Variants in PXN observed in about 807,000 individuals in gnomAD.
The protein encoded by PXN is testicular tissue protein Li 134.
PXN carries 61 observed loss-of-function variants against 103.6 expected under a neutral mutation model. That is an observed-to-expected ratio of 0.59 (90% CI 0.48 to 0.73). The LOEUF (loss-of-function observed/expected upper bound fraction) is 0.73, where lower values mean the gene tolerates loss of function less well. PXN is among the 30% of genes least tolerant of loss of function. The pLI is 0.00. For synonymous variants in PXN, 562 were observed against 607.8 expected, an observed-to-expected ratio of 0.92 and a Z score of 1.11; for missense variants, 1,274 against 1,460.3, an observed-to-expected ratio of 0.87 and a Z score of 2.08.
In PXN at chr12:120,224,014, T is replaced by C; in HGVS notation, c.240+137A>G. On this transcript the variant is annotated intron_variant, in intron 2 of 14. Coordinates refer to ENST00000637617, the MANE Select transcript of PXN (RefSeq NM_001385981.1). The surrounding 1 kb of genome is among the most constrained non-coding windows in gnomAD (Gnocchi z 5.0). Reference sequence around the variant, plus strand: ...GTCACTGTTCCACTCACGTGGTGAGTGGGAAGAGCAGTGTCTGGTTGGGAA... The same window carrying C: ...GTCACTGTTCCACTCACGTGGTGAGCGGGAAGAGCAGTGTCTGGTTGGGAA... 1 of 811,550 alleles carries C rather than the reference T, an allele frequency of 1.2e-6. No homozygotes were observed. Among genetic ancestry groups the C allele is most frequent in the Non-Finnish European group, 1.9e-6 (1 of 519,060 alleles). 50.3% of individuals were successfully genotyped at this position (811,550 alleles called of 1,614,324 possible). A position where few individuals can be genotyped will look rare whatever the true frequency, so the allele number is the denominator to read the frequency against.
rs554328884 is a variant in PXN, at chr12:120,263,167, T to TCCACCCTAAGGAAAACAGCTGAG, written c.13+2427_13+2449dup. Among the ~76,000 whole-genome samples the TCCACCCTAAGGAAAACAGCTGAG allele has an allele frequency of 2.2e-3, 337 of 152,130 alleles. 2 individuals carry two copies. The highest frequency in any genetic ancestry group is 7.8e-3 in the African/African-American group (322 of 41,452). On this transcript the variant is annotated intron_variant, in intron 1 of 14. Transcript: ENST00000637617. ...AAAAACAAGAGGTCTGGGCTTTGTG[T>TCCACCCTAAGGAAAACAGCTGAG]CCACCCTAAGGAAAACAGCTGAGCC...
In PXN at chr12:120,215,849, G is replaced by A. The variant is rs538754610; in HGVS notation, c.2302-188C>T. Reference sequence around the variant, plus strand: ...CTGAGAGAGAGGCCTAGGGAGAAAGGAAGAAGGACAGGGAGGGGAGTCGAC... The same window carrying A: ...CTGAGAGAGAGGCCTAGGGAGAAAGAAAGAAGGACAGGGAGGGGAGTCGAC... On this transcript the variant is annotated intron_variant, in intron 9 of 14. Coordinates refer to ENST00000637617, the MANE Select transcript of PXN (RefSeq NM_001385981.1). The surrounding 1 kb of genome is among the most constrained non-coding windows in gnomAD (Gnocchi z 4.9). 4 of 1,312,758 alleles carry A rather than the reference G, an allele frequency of 3.0e-6. No homozygotes were observed. Among genetic ancestry groups the A allele is most frequent in the African/African-American group, 3.0e-5 (2 of 66,016 alleles). 81.3% of individuals were successfully genotyped at this position (1,312,758 alleles called of 1,614,324 possible). A position where few individuals can be genotyped will look rare whatever the true frequency, so the allele number is the denominator to read the frequency against.
Position 120,265,676 on chromosome 12 carries a change from C to A in PXN, c.-47G>T. Reference sequence around the variant, plus strand: ...TCAGGGTCGCGCTAGCTGCCCGTCCCGGGGCCGCTCGTCTATGCCCCGCAA... The same window carrying A: ...TCAGGGTCGCGCTAGCTGCCCGTCCAGGGGCCGCTCGTCTATGCCCCGCAA... On this transcript the variant is annotated 5_prime_UTR_variant, in exon 1 of 15. Coordinates refer to ENST00000637617, the MANE Select transcript of PXN (RefSeq NM_001385981.1). This position sits in a 1 kb window ranked among gnomAD's most constrained non-coding sequence, Gnocchi z 5.7. The A allele has an allele frequency of 7.0e-7, 1 of 1,433,484 alleles. No homozygotes were observed. The highest frequency in any genetic ancestry group is 9.1e-7 in the Non-Finnish European group (1 of 1,094,926). 88.8% of individuals were successfully genotyped at this position (1,433,484 alleles called of 1,614,324 possible). A position where few individuals can be genotyped will look rare whatever the true frequency, so the allele number is the denominator to read the frequency against.
In PXN at chr12:120,265,692, TG is replaced by T. The variant is rs1894605450; in HGVS notation, c.-64del. 1.5e-6 allele frequency: 2 copies of T among 1,352,462 alleles called. No individual in the cohort carries two copies. The highest frequency in any genetic ancestry group is 6.5e-5 in the East Asian group (2 of 30,962). 83.8% of individuals were successfully genotyped at this position (1,352,462 alleles called of 1,614,324 possible). ...TGCCCGTCCCGGGGCCGCTCGTCTA[TG>T]CCCCGCAACTTTTCCGCCGCGAGCC... On this transcript the variant is annotated 5_prime_UTR_variant, in exon 1 of 15. Coordinates refer to ENST00000637617, the MANE Select transcript of PXN (RefSeq NM_001385981.1). This position sits in a 1 kb window ranked among gnomAD's most constrained non-coding sequence, Gnocchi z 5.7.
Position 120,265,615 on chromosome 12 carries a change from A to T in PXN, c.13+2T>A. 6.7e-7 allele frequency: 1 copy of T among 1,485,184 alleles called. No homozygotes were observed. Among genetic ancestry groups the T allele is most frequent in the African/African-American group, 1.5e-5 (1 of 68,256 alleles). The allele number at this position is 1,485,184 out of a possible 1,614,324, so 92.0% of individuals were successfully genotyped here. A position where few individuals can be genotyped will look rare whatever the true frequency, so the allele number is the denominator to read the frequency against. On this transcript the variant is annotated splice_donor_variant, in intron 1 of 14. Transcript: ENST00000637617. LOFTEE classifies it high-confidence loss of function. The surrounding 1 kb of genome is among the most constrained non-coding windows in gnomAD (Gnocchi z 5.7). ...TCCTCCCTCGGCCTCCCGCTCACTC[A>T]CCGAGGTCGTCCATGGCCGGACCAC...
Position 120,219,911 on chromosome 12 carries a change from G to A in PXN, c.1012C>T (p.Arg338Ter), listed in dbSNP as rs774949682. ...PEFPCTEQSG[R>*]GLLPPVAPSW... ...GGGGCTACAGGAGGTAGAAGGCCTC[G>A]TCCACTCTGCTCAGTACAAGGGAAC... The change falls in exon 7 of 15, where the codon CGA (arginine) becomes TGA (stop). Residue 338 changes from arginine (R) to a stop codon, truncating the protein, a stop_gained. Coordinates refer to ENST00000637617, the MANE Select transcript of PXN (RefSeq NM_001385981.1). LOFTEE classifies it high-confidence loss of function. The surrounding 1 kb of genome is among the most constrained non-coding windows in gnomAD (Gnocchi z 6.5). 2.9e-5 allele frequency: 47 copies of A among 1,598,036 alleles called. No individual in the cohort carries two copies. The highest frequency in any genetic ancestry group is 3.6e-5 in the Non-Finnish European group (43 of 1,179,548).
At position 120,265,619 on chromosome 12, in the gene PXN, A is replaced by G; in HGVS notation, c.11T>C (p.Leu4Pro). The change falls in exon 1 of 15, where the codon CTC becomes CCC. Residue 4 changes from leucine (L) to proline (P), a missense_variant and splice_region_variant. Leu to Pro is a moderately conservative substitution (Grantham distance 98). Around this residue, in one of 2 missense-constraint regions of PXN, gnomAD observed 1,178 missense variants for 1,309.0 expected, o/e 0.90. Transcript: ENST00000637617. The surrounding 1 kb of genome is among the most constrained non-coding windows in gnomAD (Gnocchi z 5.7). ...CCCTCGGCCTCCCGCTCACTCACCG[A>G]GGTCGTCCATGGCCGGACCACGGGC... MDDLDALLADLEST... is the reference protein window; with the variant it reads MDDPDALLADLEST... 6.7e-7 allele frequency: 1 copy of G among 1,485,532 alleles called. No individual in the cohort carries two copies. The highest frequency in any genetic ancestry group is 1.5e-5 in the African/African-American group (1 of 68,376). 92.0% of individuals were successfully genotyped at this position (1,485,532 alleles called of 1,614,324 possible).
rs1024908757 is a variant in PXN, at chr12:120,225,072, G to A, written c.14-695C>T. On this transcript the variant is annotated intron_variant, in intron 1 of 14. Transcript: ENST00000637617. The surrounding 1 kb of genome is among the most constrained non-coding windows in gnomAD (Gnocchi z 4.4). ...AAGCAGCCCGGCCCCAGAGGCTCCA[G>A]GCCCCCACTGTTCTGCTTTTAACAG... The A allele has an allele frequency of 7.8e-6, 2 of 257,158 alleles. No homozygotes were observed. Among genetic ancestry groups the A allele is most frequent in the Non-Finnish European group, 8.0e-6 (1 of 125,774 alleles). The allele number at this position is 257,158 out of a possible 1,614,324, so 15.9% of individuals were successfully genotyped here.
In PXN at chr12:120,214,165, G is replaced by A; in HGVS notation, c.2801C>T (p.Ala934Val). 1 of 1,552,402 alleles carries A rather than the reference G, an allele frequency of 6.4e-7. No individual in the cohort carries two copies. ...GGGACCAAAGAAGGCTCCACACTGT[G>A]CACAGAAGAAGTGTTCAGGGTGCCA... ...RTWHPEHFFC[A>V]QCGAFFGPEG... The change falls in exon 13 of 15, where the codon GCA (alanine) becomes GTA (valine). Residue 934 changes from alanine to valine, a missense_variant. Ala to Val is a moderately conservative substitution (Grantham distance 64, BLOSUM62 0). Transcript: ENST00000637617. The surrounding 1 kb of genome is among the most constrained non-coding windows in gnomAD (Gnocchi z 5.0).
chr12:120,215,442 G>A lies in PXN; in HGVS notation c.2403+118C>T. The A allele has an allele frequency of 6.8e-7, 1 of 1,460,360 alleles. No individual in the cohort carries two copies. The highest frequency in any genetic ancestry group is 9.0e-7 in the Non-Finnish European group (1 of 1,109,258). The allele number at this position is 1,460,360 out of a possible 1,614,324, so 90.5% of individuals were successfully genotyped here. A position where few individuals can be genotyped will look rare whatever the true frequency, so the allele number is the denominator to read the frequency against. ...CCTAAAGTGGGAGTGACGTCAGCAG[G>A]ACTCCTGGTGGTCGGAGGGGCCCAC... is the stretch of plus-strand genomic sequence containing the variant. On this transcript the variant is annotated intron_variant, in intron 10 of 14. Coordinates refer to ENST00000637617, the MANE Select transcript of PXN (RefSeq NM_001385981.1). This position sits in a 1 kb window ranked among gnomAD's most constrained non-coding sequence, Gnocchi z 4.9.
chr12:120,242,426 G>A (rs1159718460), intron 1 of PXN, among the ~76,000 whole-genome samples: 1 of 151,888 alleles, frequency 6.6e-6, no homozygotes, highest in African/African-American at 2.4e-5. Flanking sequence ...GCCTAAGCAG[G>A]TTATCAGAGG....
At chr12:120,237,121 A>G (rs1343315801) in intron 1 of PXN, among the ~76,000 whole-genome samples, 1 of 145,450 alleles carries the variant, frequency 6.9e-6, no homozygotes, top group Non-Finnish European at 1.5e-5. Context: ...TTGCTTATGT[A>G]TGTACGTGTG....
In PXN at chr12:120,211,821, G is replaced by A. The variant is rs1201670475; in HGVS notation, c.*493C>T. The A allele has an allele frequency of 2.2e-6, 1 of 448,364 alleles. No individual in the cohort carries two copies. The highest frequency in any genetic ancestry group is 2.4e-5 in the Admixed American group (1 of 41,922). 27.8% of individuals were successfully genotyped at this position (448,364 alleles called of 1,614,324 possible). On this transcript the variant is annotated 3_prime_UTR_variant, in exon 15 of 15. Transcript: ENST00000637617. ...TGGCCCCTTTGGTTCTCTGCCTTTG[G>A]ATGGATGGATTTATGCTGGCATTGT... is the stretch of plus-strand genomic sequence containing the variant.
chr12:120,230,049 G>GT (rs1206998206), intron 1 of PXN, among the ~76,000 whole-genome samples: 3 of 152,290 alleles, frequency 2.0e-5, no homozygotes, highest in Admixed American at 2.0e-4. Context: ...AGAGGCCCAC[G>GT]TAAGAACAAG....
rs780755412 is a variant in PXN, at chr12:120,222,487, C to G, written c.695+62G>C. 11 of 1,499,458 alleles carry G rather than the reference C, an allele frequency of 7.3e-6. No homozygotes were observed. Among genetic ancestry groups the G allele is most frequent in the Non-Finnish European group, 9.9e-6 (11 of 1,115,010 alleles). The allele number at this position is 1,499,458 out of a possible 1,614,324, so 92.9% of individuals were successfully genotyped here. A position where few individuals can be genotyped will look rare whatever the true frequency, so the allele number is the denominator to read the frequency against. ...GATACCAGGGCTAAGGGGACAGACA[C>G]TGGACCCGGGGCAGGCTGGGCCAGC... On this transcript the variant is annotated intron_variant, in intron 5 of 14. Coordinates refer to ENST00000637617, the MANE Select transcript of PXN (RefSeq NM_001385981.1). The surrounding 1 kb of genome is among the most constrained non-coding windows in gnomAD (Gnocchi z 4.7).
intron 1 of PXN, among the ~76,000 whole-genome samples, chr12:120,258,963 G>A (rs1893444366): frequency 6.6e-6 from 1 of 152,088 alleles, no homozygotes; most frequent in Admixed American, 6.6e-5. Flanking sequence ...CAGCTACTCG[G>A]GAGACTGAGG....
rs1414358772 is a variant in PXN, at chr12:120,221,392, C to T, written c.831+231G>A. Among the ~76,000 whole-genome samples the T allele has an allele frequency of 1.3e-5, 2 of 152,180 alleles. No homozygotes were observed. The highest frequency in any genetic ancestry group is 2.9e-5 in the Non-Finnish European group (2 of 68,032). On this transcript the variant is annotated intron_variant, in intron 6 of 14. Coordinates refer to ENST00000637617, the MANE Select transcript of PXN (RefSeq NM_001385981.1). The surrounding 1 kb of genome is among the most constrained non-coding windows in gnomAD (Gnocchi z 6.6). The stretch of plus-strand genomic sequence containing the variant: ...GAAGGAATGTCCCAGCTGAGCACTT[C>T]TCCAGCTTGTCTGCCTTCACTGGCT...
Position 120,223,757 on chromosome 12 carries a change from G to A in PXN, c.317C>T (p.Ser106Phe), listed in dbSNP as rs748170883. ...CTCCTCACCCACTCGGGAGCACGGA[G>A]AGCCAACACTGTCCTGAGGGTTGGA... is the stretch of plus-strand genomic sequence containing the variant. ...SVSNPQDSVG[S>F]PCSRVGEEEH... is the part of the protein sequence containing the mutation. Residue 106 changes from serine to phenylalanine, a missense_variant, in exon 3 of 15, where the codon TCT becomes TTT. Around this residue, in one of 2 missense-constraint regions of PXN, gnomAD observed 1,178 missense variants for 1,309.0 expected, o/e 0.90. Coordinates refer to ENST00000637617, the MANE Select transcript of PXN (RefSeq NM_001385981.1). 1 of 1,608,374 alleles carries A rather than the reference G, an allele frequency of 6.2e-7. No homozygotes were observed. Among genetic ancestry groups the A allele is most frequent in the Admixed American group, 1.7e-5 (1 of 59,260 alleles).
chr12:120,221,949 T>G lies in PXN; in HGVS notation c.696-191A>C, dbSNP rs543986783. Among the ~76,000 whole-genome samples the G allele has an allele frequency of 4.6e-5, 7 of 152,116 alleles. No individual in the cohort carries two copies. The highest frequency in any genetic ancestry group is 7.4e-5 in the Non-Finnish European group (5 of 68,020). On this transcript the variant is annotated intron_variant, in intron 5 of 14. Transcript: ENST00000637617. The surrounding 1 kb of genome is among the most constrained non-coding windows in gnomAD (Gnocchi z 6.6). Reference sequence around the variant, plus strand: ...AGGGCAGTTCAATGGCACCAGGAAGTGCCAGGAAGACTCCTCTAGCCCCCA... The same window carrying G: ...AGGGCAGTTCAATGGCACCAGGAAGGGCCAGGAAGACTCCTCTAGCCCCCA...
Sources: gnomAD v4.1 joint callset for allele counts (sites outside exome capture counted in the v4.1 genomes callset) on GRCh38, gnomAD v4.1.1 for gene constraint, gnomAD v4.1.1 regional missense constraint, Gnocchi (gnomAD v3.1) non-coding constraint, MANE v1.5 for transcripts, NCBI Gene and HGNC (gene_info 2026-07-23, HGNC 2026-07-21) for gene names.